UBASH3B: variants seen among roughly 807,000 people sequenced by gnomAD.
The protein encoded by UBASH3B is ubiquitin-associated and SH3 domain-containing protein B.
A neutral mutation model predicts 83.4 loss-of-function variants in UBASH3B; 37 were observed. The observed-to-expected ratio is 0.44, with a 90% CI of 0.34 to 0.58. UBASH3B has a LOEUF of 0.58. UBASH3B is among the 20% of genes least tolerant of loss of function. UBASH3B has a pLI of 0.01. For missense variants in UBASH3B, 657 were observed against 827.2 expected, an observed-to-expected ratio of 0.79 and a Z score of 2.52; for synonymous variants, 304 against 318.3, an observed-to-expected ratio of 0.96 and a Z score of 0.48.
intron 1 of UBASH3B, among the ~76,000 whole-genome samples, chr11:122,690,034 G>A (rs1246394953): frequency 1.3e-5 from 2 of 151,396 alleles, no homozygotes; most frequent in Non-Finnish European, 2.9e-5. Context: ...TTCCCCCAGG[G>A]TGGGACATTC....
At chr11:122,741,219 A>G (rs1861019087) in intron 1 of UBASH3B, among the ~76,000 whole-genome samples, 1 of 152,350 alleles carries the variant, frequency 6.6e-6, no homozygotes, top group East Asian at 1.9e-4. Context: ...ACAGAATAAA[A>G]TATTCAATTT....
chr11:122,794,554 G>A, intron 6 of UBASH3B, 148 bp from the exon 7 acceptor site: 2 of 988,592 alleles, frequency 2.0e-6, no homozygotes, highest in South Asian at 3.1e-5. Context: ...TTTCCCTTAG[G>A]AATGAGGCCA....
chr11:122,730,005 G>A (rs200685190), intron 1 of UBASH3B, among the ~76,000 whole-genome samples: 1,149 of 63,270 alleles, frequency 0.018, 36 homozygotes, highest in African/African-American at 0.075. Flanking sequence ...AAAAAAAAAA[G>A]GCCAGGTGCA....
intron 1 of UBASH3B, among the ~76,000 whole-genome samples, chr11:122,770,961 T>A (rs1860631741): frequency 6.6e-6 from 1 of 152,224 alleles, no homozygotes; most frequent in African/African-American, 2.4e-5. Flanking sequence ...AATCTGAACA[T>A]GCCTCTCTAG....
At chr11:122,671,776 C>T (rs1324801730) in intron 1 of UBASH3B, among the ~76,000 whole-genome samples, 3 of 152,120 alleles carry the variant, frequency 2.0e-5, no homozygotes, top group Non-Finnish European at 4.4e-5. Flanking sequence ...CTGCATTGTG[C>T]GTGACTGGTG....
At chr11:122,708,322 A>C (rs1258135382) in intron 1 of UBASH3B, among the ~76,000 whole-genome samples, 1 of 125,984 alleles carries the variant, frequency 7.9e-6, no homozygotes, top group Non-Finnish European at 1.6e-5. Flanking sequence ...ATGGAGTTTC[A>C]CTCTTGTCAC....
intron 12 of UBASH3B, 107 bp from the exon 13 acceptor site, chr11:122,807,960 T>C: frequency 1.2e-6 from 1 of 827,168 alleles, no homozygotes; most frequent in Non-Finnish European, 2.1e-6. Context: ...AATTGTCTTC[T>C]TGAGTGTGTT....
intron 1 of UBASH3B, among the ~76,000 whole-genome samples, chr11:122,714,381 A>G (rs1423240736): frequency 1.3e-5 from 2 of 152,314 alleles, no homozygotes; most frequent in African/African-American, 2.4e-5. Flanking sequence ...ATTGCTACCT[A>G]TTGGCCCTTA....
chr11:122,749,747 T>C (rs1250563096), intron 1 of UBASH3B, among the ~76,000 whole-genome samples: 1 of 152,236 alleles, frequency 6.6e-6, no homozygotes, highest in Admixed American at 6.5e-5. Context: ...ATTTATTTTA[T>C]TTTAAGACAG....
chr11:122,656,256 C>T, intron 1 of UBASH3B, 46 bp downstream of exon 1: 1 of 1,351,128 alleles, frequency 7.4e-7, no homozygotes, highest in Non-Finnish European at 9.6e-7. Context: ...CCCGCGCGCG[C>T]GGCCGGCCCT....
At chr11:122,699,895 T>C (rs1698377126) in intron 1 of UBASH3B, among the ~76,000 whole-genome samples, 1 of 152,208 alleles carries the variant, frequency 6.6e-6, no homozygotes, top group Non-Finnish European at 1.5e-5. Context: ...AGATGACTGA[T>C]ATTTCAATGT....
intron 1 of UBASH3B, among the ~76,000 whole-genome samples, chr11:122,773,157 A>T (rs1212724982): frequency 6.6e-6 from 1 of 152,196 alleles, no homozygotes; most frequent in Non-Finnish European, 1.5e-5. Flanking sequence ...TCTGGGGTTT[A>T]GGGTCCACTC....
chr11:122,760,626 G>C (rs566006027), intron 1 of UBASH3B, among the ~76,000 whole-genome samples: 1 of 152,196 alleles, frequency 6.6e-6, no homozygotes, highest in African/African-American at 2.4e-5. Flanking sequence ...CTCCCAAAAT[G>C]CTGGGATTAC....
intron 3 of UBASH3B, among the ~76,000 whole-genome samples, chr11:122,779,008 A>G (rs1273166800): frequency 6.6e-6 from 1 of 152,348 alleles, no homozygotes; most frequent in East Asian, 1.9e-4. Flanking sequence ...CTAATTGTAC[A>G]TGCATTACCT....
At chr11:122,800,383 C>CAAAAAAAAAAAAA (rs540359065) in intron 10 of UBASH3B, among the ~76,000 whole-genome samples, 1 of 76,666 alleles carries the variant, frequency 1.3e-5, no homozygotes, top group Non-Finnish European at 2.8e-5. Flanking sequence ...ACTAAAAATA[C>CAAAAAAAAAAAAA]AAAAAAAAAA....
At position 122,698,293 on chromosome 11, in the gene UBASH3B, G is replaced by C. The variant is rs187688672; in HGVS notation, c.161+42083G>C. On this transcript the variant is annotated intron_variant, in intron 1 of 13. Transcript: ENST00000284273. ...ACCCCCATAGTCACGCCAAATTTTTGTTGCAATTCACACCAGGCATGGATT... is the reference window on the plus strand; with the variant it reads ...ACCCCCATAGTCACGCCAAATTTTTCTTGCAATTCACACCAGGCATGGATT... Among the ~76,000 whole-genome samples, 13 of 151,326 alleles carry C rather than the reference G, an allele frequency of 8.6e-5. No individual in the cohort carries two copies. The East Asian group carries it at 2.0e-3, about 23-fold the overall frequency.
At chr11:122,686,507 G>C (rs1863810562) in intron 1 of UBASH3B, among the ~76,000 whole-genome samples, 1 of 152,190 alleles carries the variant, frequency 6.6e-6, no homozygotes, top group Non-Finnish European at 1.5e-5. Flanking sequence ...ATGGTACTGA[G>C]ATGGTCTTAA....
chr11:122,699,685 C>T (rs528988371), intron 1 of UBASH3B, among the ~76,000 whole-genome samples: 5 of 152,090 alleles, frequency 3.3e-5, no homozygotes, highest in South Asian at 2.1e-4. Context: ...AGGGCTCAAG[C>T]GATCCTCCCA....
chr11:122,665,343 A>C (rs1439631935), intron 1 of UBASH3B, among the ~76,000 whole-genome samples: 7 of 152,096 alleles, frequency 4.6e-5, no homozygotes, highest in Admixed American at 4.6e-4. Context: ...ACACCTGGAT[A>C]ATTTTAAAAT....
Sources: allele counts gnomAD v4.1 joint callset (sites outside exome capture counted in the v4.1 genomes callset), GRCh38; gene constraint gnomAD v4.1.1; transcripts MANE v1.5; gene names NCBI Gene and HGNC (gene_info 2026-07-23, HGNC 2026-07-21).